The following BTBD9 variants were observed in gnomAD, a reference collection of about 807,000 sequenced individuals.
BTBD9 encodes the protein BTB/POZ domain-containing protein 9.
BTBD9 carries 49 observed loss-of-function variants against 64.3 expected under a neutral mutation model. That is an observed-to-expected ratio of 0.76 (90% CI 0.61 to 0.97). The LOEUF (loss-of-function observed/expected upper bound fraction) is 0.97. BTBD9 is among the 50% of genes least tolerant of loss of function. BTBD9 has a pLI of 0.00. For missense variants in BTBD9, 598 were observed against 762.1 expected, an observed-to-expected ratio of 0.78 and a Z score of 2.53; for synonymous variants, 260 against 274.7, an observed-to-expected ratio of 0.95 and a Z score of 0.53.
intron 6 of BTBD9, among the ~76,000 whole-genome samples, chr6:38,555,292 G>A (rs1774965956): frequency 6.6e-6 from 1 of 152,130 alleles, no homozygotes; most frequent in Admixed American, 6.5e-5. Context: ...ACTGGAGAGG[G>A]AAGACACACA....
chr6:38,461,621 A>G (rs901971727), intron 6 of BTBD9, among the ~76,000 whole-genome samples: 2 of 152,230 alleles, frequency 1.3e-5, no homozygotes, highest in African/African-American at 4.8e-5. Context: ...GCTGCTGTGA[A>G]CATTTATGTG....
At chr6:38,549,308 A>G (rs888191888) in intron 6 of BTBD9, among the ~76,000 whole-genome samples, 1 of 152,200 alleles carries the variant, frequency 6.6e-6, no homozygotes, top group Non-Finnish European at 1.5e-5. Flanking sequence ...ATGGATATAA[A>G]ACACTCAACA....
chr6:38,594,935 T>C (rs979472807), intron 2 of BTBD9, among the ~76,000 whole-genome samples: 4 of 152,070 alleles, frequency 2.6e-5, no homozygotes, highest in Non-Finnish European at 2.9e-5. Context: ...AGTAATACAG[T>C]AAAGAAAAAT....
intron 9 of BTBD9, among the ~76,000 whole-genome samples, chr6:38,229,039 A>C (rs964762052): frequency 6.6e-6 from 1 of 152,030 alleles, no homozygotes; most frequent in Non-Finnish European, 1.5e-5. Context: ...TCTACTAAAA[A>C]TACAAAAAAT....
At chr6:38,238,941 C>T (rs1335535820) in intron 9 of BTBD9, among the ~76,000 whole-genome samples, 1 of 152,208 alleles carries the variant, frequency 6.6e-6, no homozygotes, top group African/African-American at 2.4e-5. Context: ...CCGACCCCTG[C>T]TTCCATCATG....
At chr6:38,513,594 C>A (rs1355543025) in intron 6 of BTBD9, among the ~76,000 whole-genome samples, 2 of 152,014 alleles carry the variant, frequency 1.3e-5, no homozygotes, top group African/African-American at 4.8e-5. Context: ...AAAAATGAAC[C>A]CAAGCAATGA....
intron 4 of BTBD9, among the ~76,000 whole-genome samples, chr6:38,584,384 C>T (rs193274268): frequency 1.1e-4 from 17 of 152,204 alleles, no homozygotes; most frequent in African/African-American, 3.9e-4. Flanking sequence ...ATTTTTTACA[C>T]ATAATTTTTA....
At chr6:38,294,996 G>A (rs1160787936) in intron 7 of BTBD9, among the ~76,000 whole-genome samples, 3 of 151,378 alleles carry the variant, frequency 2.0e-5, no homozygotes, top group Non-Finnish European at 2.9e-5. Context: ...TTTCCCTCTG[G>A]AATCATTCTC....
intron 6 of BTBD9, among the ~76,000 whole-genome samples, chr6:38,370,598 C>T (rs1562090025): frequency 6.6e-6 from 1 of 152,202 alleles, no homozygotes; most frequent in Non-Finnish European, 1.5e-5. Context: ...TGACAAAAGA[C>T]ATAAATTATT....
chr6:38,537,126 A>G (rs1249012044), intron 6 of BTBD9, among the ~76,000 whole-genome samples: 6 of 152,220 alleles, frequency 3.9e-5, no homozygotes, highest in Non-Finnish European at 8.8e-5. Context: ...AAAATTAAAA[A>G]TAATTTTTTT....
At position 38,594,139 on chromosome 6, in the gene BTBD9, A is replaced by C; in HGVS notation, c.374T>G (p.Leu125Arg). Residue 125 changes from leucine to arginine, a missense_variant, in exon 3 of 11, where the codon CTA becomes CGA. Leu to Arg is a moderately radical substitution (Grantham distance 102, BLOSUM62 -2). Transcript: ENST00000481247. The part of the protein sequence containing the change: ...SLAHKYGFPE[L>R]EDSTSEYLCT... ...GAGATACTCAGAGGTAGAATCCTCTAGCTCTGGAAATCCATATTTATGAGC... is the reference window on the plus strand; with the variant it reads ...GAGATACTCAGAGGTAGAATCCTCTCGCTCTGGAAATCCATATTTATGAGC... The C allele has an allele frequency of 6.2e-7, 1 of 1,614,196 alleles. No homozygotes were observed. Among genetic ancestry groups the C allele is most frequent in the East Asian group, 2.2e-5 (1 of 44,876 alleles).
rs753812150 is a variant in BTBD9, at chr6:38,174,967, C to T, written c.*18G>A. On this transcript the variant is annotated 3_prime_UTR_variant, in exon 11 of 11. Transcript: ENST00000481247. ...CGTTGCCCGAGCCCACCAAGTCACACCAGGCCCGCTGCCTCCTTTATTGGT... is the reference window on the plus strand; with the variant it reads ...CGTTGCCCGAGCCCACCAAGTCACATCAGGCCCGCTGCCTCCTTTATTGGT... 2 of 1,613,096 alleles carry T rather than the reference C, an allele frequency of 1.2e-6. No individual in the cohort carries two copies. Among genetic ancestry groups the T allele is most frequent in the African/African-American group, 1.3e-5 (1 of 75,068 alleles).
At position 38,587,877 on chromosome 6, in the gene BTBD9, C is replaced by G. The variant is rs550858184; in HGVS notation, c.814+4699G>C. The G allele has an allele frequency of 5.5e-6, 4 of 721,554 alleles. No individual in the cohort carries two copies. In the African/African-American group the frequency reaches 6.9e-5, roughly 13 times the overall value. The allele number at this position is 721,554 out of a possible 1,614,324, so 44.7% of individuals were successfully genotyped here. ...CAAGATGAAATAAAAAATAATGTTA[C>G]GTCGGCATTTGGCTTAACAGATGAT... On this transcript the variant is annotated intron_variant, in intron 4 of 10. Transcript: ENST00000481247.
At chr6:38,357,486 A>AAGGG (rs1764771276) in intron 6 of BTBD9, among the ~76,000 whole-genome samples, 1 of 152,122 alleles carries the variant, frequency 6.6e-6, no homozygotes, top group Middle Eastern at 3.2e-3. Context: ...ATGTGTTCTG[A>AAGGG]AGGGAGTAAG....
intron 6 of BTBD9, among the ~76,000 whole-genome samples, chr6:38,347,405 C>T (rs1018635355): frequency 6.6e-6 from 1 of 152,182 alleles, no homozygotes; most frequent in African/African-American, 2.4e-5. Context: ...CATTATATCT[C>T]ACACCTTTTG....
intron 6 of BTBD9, among the ~76,000 whole-genome samples, chr6:38,465,707 T>TTA (rs1157324453): frequency 0.012 from 545 of 46,436 alleles, 12 homozygotes; most frequent in Non-Finnish European, 0.016. Flanking sequence ...AATAAATAAA[T>TTA]TATATATATA....
chr6:38,539,938 C>T (rs2127436650), intron 6 of BTBD9, among the ~76,000 whole-genome samples: 1 of 152,260 alleles, frequency 6.6e-6, no homozygotes, highest in South Asian at 2.1e-4. Context: ...TTTCTAGCAA[C>T]TTTTAGGTGG....
chr6:38,617,039 T>TG (rs1472483490), intron 1 of BTBD9, among the ~76,000 whole-genome samples: 1 of 152,142 alleles, frequency 6.6e-6, no homozygotes, highest in Non-Finnish European at 1.5e-5. Flanking sequence ...TCCTTAGAAT[T>TG]CAGGGGCTAA....
chr6:38,532,554 C>CTTAT (rs1436454335), intron 6 of BTBD9, among the ~76,000 whole-genome samples: 42 of 152,198 alleles, frequency 2.8e-4, no homozygotes, highest in African/African-American at 9.4e-4. Context: ...GGAAAGGGTA[C>CTTAT]CATAAAGAGG....
Sources: allele counts gnomAD v4.1 joint callset (sites outside exome capture counted in the v4.1 genomes callset), GRCh38; gene constraint gnomAD v4.1.1; transcripts MANE v1.5; gene names NCBI Gene and HGNC (gene_info 2026-07-23, HGNC 2026-07-21).